MRS2: variants seen among roughly 807,000 people sequenced by gnomAD.
MRS2 encodes the protein magnesium transporter MRS2 homolog, mitochondrial.
Under a neutral mutation model 52.6 loss-of-function variants are expected in MRS2, and 40 were observed. The ratio of observed to expected loss-of-function variants is 0.76; its 90% CI spans 0.59 to 0.99. MRS2 has a LOEUF of 0.99. MRS2 is among the 50% of genes least tolerant of loss of function. MRS2 has a pLI of 0.00. For synonymous variants in MRS2, 193 were observed against 195.9 expected, an observed-to-expected ratio of 0.98 and a Z score of 0.13; for missense variants, 472 against 532.7, an observed-to-expected ratio of 0.89 and a Z score of 1.12.
At position 24,423,918 on chromosome 6, in the gene MRS2, C is replaced by T; in HGVS notation, c.*224C>T. ...TAAAAGGCCAAAATTCTATTTCCTA[C>T]AAACTTTAAATGCTGTTTTTATAGA... On this transcript the variant is annotated 3_prime_UTR_variant, in exon 11 of 11. Coordinates refer to ENST00000378386, the MANE Select transcript of MRS2 (RefSeq NM_020662.4). 7.0e-6 allele frequency: 2 copies of T among 284,228 alleles called. No homozygotes were observed. Among genetic ancestry groups the T allele is most frequent in the Non-Finnish European group, 1.3e-5 (2 of 150,418 alleles). The allele number at this position is 284,228 out of a possible 1,614,324, so 17.6% of individuals were successfully genotyped here.
chr6:24,414,360 G>A (rs1761767179), intron 5 of MRS2, among the ~76,000 whole-genome samples: 1 of 150,782 alleles, frequency 6.6e-6, no homozygotes, highest in Non-Finnish European at 1.5e-5. Context: ...CTCTTAACGA[G>A]CATGCTGCCT....
rs758118734 is a variant in MRS2 at position 24,412,360 on chromosome 6, G to T, written c.553G>T (p.Glu185Ter). ...GQLVTYPLPF[E>*]FRAIEALLQY... The stretch of plus-strand genomic sequence containing the variant: ...ACTCGTTACATACCCTTTACCTTTT[G>T]AGTTTAGAGCTATAGAAGCACTCCT... The change falls in exon 5 of 11, where the codon GAG (glutamate) becomes TAG (stop). Residue 185 changes from glutamate to a stop codon, truncating the protein, a stop_gained. Coordinates refer to ENST00000378386, the MANE Select transcript of MRS2 (RefSeq NM_020662.4). LOFTEE classifies it high-confidence loss of function. The T allele has an allele frequency of 6.3e-7, 1 of 1,592,960 alleles. No individual in the cohort carries two copies. Among genetic ancestry groups the T allele is most frequent in the South Asian group, 1.2e-5 (1 of 86,544 alleles).
chr6:24,415,978 TG>T (rs1419763182), intron 6 of MRS2, among the ~76,000 whole-genome samples: 2 of 152,134 alleles, frequency 1.3e-5, no homozygotes, highest in Non-Finnish European at 2.9e-5. Context: ...TTGCCCAGGC[TG>T]GAGTGCAGTG....
Position 24,403,212 on chromosome 6 carries a change from G to C in MRS2, c.166G>C (p.Gly56Arg). The change falls in exon 1 of 11, where the codon GGG (glycine) becomes CGG (arginine). Residue 56 changes from glycine to arginine, a missense_variant. By Grantham distance (125) the Gly-to-Arg change is moderately radical. Transcript: ENST00000378386. ...AAGGAGCCGAGCGGCGCAGCTTTGC[G>C]GGCCCGACCGGCTCCGCGTGGCAGG... The part of the protein sequence containing the change: ...IGRSRAAQLC[G>R]PDRLRVAGEV... 1.3e-6 allele frequency: 2 copies of C among 1,599,810 alleles called. No homozygotes were observed. Among genetic ancestry groups the C allele is most frequent in the Non-Finnish European group, 8.5e-7 (1 of 1,178,848 alleles).
chr6:24,418,396 T>C, intron 8 of MRS2, 65 bp from the exon 9 acceptor site: 14 of 1,601,712 alleles, frequency 8.7e-6, no homozygotes, highest in Non-Finnish European at 1.2e-5. Flanking sequence ...TCTGTATAGA[T>C]TTGATGAATG....
At chr6:24,418,951 T>G (rs747028192) in intron 9 of MRS2, 141 of 167,366 alleles carry the variant, frequency 8.4e-4, no homozygotes, top group Non-Finnish European at 1.4e-3. Context: ...ATTTAAAAAA[T>G]AAAGGCTGGG....
Position 24,425,248 on chromosome 6 carries a change from ACTT to A in MRS2, c.*1555_*1557del, listed in dbSNP as rs1762194301. 1 of 152,220 alleles carries A rather than the reference ACTT, an allele frequency of 6.6e-6. No homozygotes were observed. The highest frequency in any genetic ancestry group is 1.5e-5 in the Non-Finnish European group (1 of 68,042). The allele number at this position is 152,220 out of a possible 1,614,324, so 9.4% of individuals were successfully genotyped here. On this transcript the variant is annotated 3_prime_UTR_variant, in exon 11 of 11. Transcript: ENST00000378386. ...CACTGTAAAATACATAATAAGTACTACTTAACTGTGACATGAAGAATTGGAATC... is the reference window on the plus strand; with the variant it reads ...CACTGTAAAATACATAATAAGTACTAAACTGTGACATGAAGAATTGGAATC...
chr6:24,412,592 ACT>A (rs111239008), intron 5 of MRS2, among the ~76,000 whole-genome samples, 197 bp downstream of exon 5: 474 of 152,172 alleles, frequency 3.1e-3, no homozygotes, highest in African/African-American at 0.01. Flanking sequence ...AGAACTAAAG[ACT>A]CTATGTATAT....
chr6:24,405,910 C>A (rs951074032), intron 2 of MRS2, among the ~76,000 whole-genome samples: 1 of 151,526 alleles, frequency 6.6e-6, no homozygotes, highest in Admixed American at 6.6e-5. Flanking sequence ...TTGAGACCAT[C>A]CTGGCTAACA....
rs1762154269 is a variant in MRS2 at position 24,424,238 on chromosome 6, G to A, written c.*544G>A. 6.6e-6 allele frequency: 1 copy of A among 151,646 alleles called. No individual in the cohort carries two copies. Among genetic ancestry groups the A allele is most frequent in the African/African-American group, 2.4e-5 (1 of 41,122 alleles). 9.4% of individuals were successfully genotyped at this position (151,646 alleles called of 1,614,324 possible). On this transcript the variant is annotated 3_prime_UTR_variant, in exon 11 of 11. Coordinates refer to ENST00000378386, the MANE Select transcript of MRS2 (RefSeq NM_020662.4). ...TTGCCCCCTTTTTTTTATAAAAGGT[G>A]AATAAAAAGAAATAATTTAATATCA...
chr6:24,420,908 G>A (rs1241383166), intron 9 of MRS2, among the ~76,000 whole-genome samples: 1 of 152,172 alleles, frequency 6.6e-6, no homozygotes, highest in African/African-American at 2.4e-5. Flanking sequence ...GTGACGTAGA[G>A]CGTGGTAGGG....
In MRS2 at chr6:24,418,593, T is replaced by G; in HGVS notation, c.1107+15T>G. 1.9e-6 allele frequency: 3 copies of G among 1,593,024 alleles called. No homozygotes were observed. The highest frequency in any genetic ancestry group is 2.6e-6 in the Non-Finnish European group (3 of 1,161,840). On this transcript the variant is annotated intron_variant, in intron 9 of 10. Transcript: ENST00000378386. ...CCCTTGAAGAGGTGAGAATGTATTA[T>G]TATTTCTAAAACTTGGGGGTTTTGG...
At chr6:24,418,975 C>T (rs539228188) in intron 9 of MRS2, 46 of 161,880 alleles carry the variant, frequency 2.8e-4, no homozygotes, top group African/African-American at 9.0e-4. Flanking sequence ...CTTGGCTCAA[C>T]GCCTGTAATC....
chr6:24,411,718 T>C (rs1291355095), intron 4 of MRS2, among the ~76,000 whole-genome samples: 1 of 152,116 alleles, frequency 6.6e-6, no homozygotes, highest in East Asian at 1.9e-4. Flanking sequence ...TTTGTATTTT[T>C]AGTAGAGACG....
At chr6:24,414,603 CCCTTTTCTATTCGACAAAA>C (rs1404623995) in intron 5 of MRS2, among the ~76,000 whole-genome samples, 1 of 152,196 alleles carries the variant, frequency 6.6e-6, no homozygotes, top group African/African-American at 2.4e-5. Context: ...CCACATTTCC[CCCTTTTCTATTCGACAAAA>C]CCGCCATCAT....
chr6:24,414,663 G>T (rs1455192560), intron 5 of MRS2, among the ~76,000 whole-genome samples: 3 of 152,174 alleles, frequency 2.0e-5, no homozygotes, highest in Non-Finnish European at 4.4e-5. Flanking sequence ...GAGCTGTTGG[G>T]TACACCTCCC....
intron 1 of MRS2, among the ~76,000 whole-genome samples, chr6:24,403,583 G>GT (rs1761362193): frequency 1.3e-5 from 2 of 152,298 alleles, no homozygotes; most frequent in South Asian, 4.1e-4. Flanking sequence ...CTTGTAAGAG[G>GT]TTTTTTCTGT....
rs1369813949 is a variant in MRS2 at position 24,423,665 on chromosome 6, T to C, written c.1303T>C (p.Ser435Pro). 1.2e-6 allele frequency: 2 copies of C among 1,611,040 alleles called. No homozygotes were observed. Among genetic ancestry groups the C allele is most frequent in the African/African-American group, 2.7e-5 (2 of 74,822 alleles). ...TAGCCTCAGACTGGATGGACTTGGA[T>C]CAGGAAGGAGCATCCTAACAAACCG... ...KNSLRLDGLG[S>P]GRSILTNR Residue 435 changes from serine (S) to proline (P), a missense_variant, in exon 11 of 11, where the codon TCA becomes CCA. By Grantham distance (74) the Ser-to-Pro change is moderately conservative. Coordinates refer to ENST00000378386, the MANE Select transcript of MRS2 (RefSeq NM_020662.4).
At chr6:24,420,148 T>C (rs1056283) in intron 9 of MRS2, among the ~76,000 whole-genome samples, 67,841 of 152,042 alleles carry the variant, frequency 0.45, 15,465 homozygotes, top group East Asian at 0.76. Flanking sequence ...GGTAGCCACT[T>C]GTTACTACCT....
Sources: allele counts gnomAD v4.1 joint callset (sites outside exome capture counted in the v4.1 genomes callset), GRCh38; gene constraint gnomAD v4.1.1; transcripts MANE v1.5; gene names NCBI Gene and HGNC (gene_info 2026-07-23, HGNC 2026-07-21).